The following HAUS3 variants were observed in gnomAD, a reference collection of about 807,000 sequenced individuals.
HAUS3 encodes HAUS augmin-like complex subunit 3.
Under a neutral mutation model 55.2 loss-of-function variants are expected in HAUS3, and 36 were observed. The ratio of observed to expected loss-of-function variants is 0.65; its 90% CI spans 0.50 to 0.86. HAUS3 has a LOEUF of 0.86. HAUS3 is among the 40% of genes least tolerant of loss of function. The pLI is 0.00. For missense variants in HAUS3, 752 were observed against 671.5 expected (o/e 1.12, Z -1.33); for synonymous variants, 234 against 238.6 (o/e 0.98, Z 0.18).
At chr4:2,239,952 A>T (rs1194076626) in intron 3 of HAUS3, 86 bp downstream of exon 3, 14 of 1,007,988 alleles carry the variant, frequency 1.4e-5, no homozygotes, top group Admixed American at 2.3e-5. Flanking sequence ...CAGATGCACC[A>T]TTCTAAAGTA....
In HAUS3 at chr4:2,238,749, A is replaced by C; in HGVS notation, c.1204T>G (p.Tyr402Asp). Residue 402 changes from tyrosine to aspartate, a missense_variant, in exon 4 of 6, where the codon TAT becomes GAT. Tyr to Asp is a radical substitution (Grantham distance 160, BLOSUM62 -3). Coordinates refer to ENST00000443786, the MANE Select transcript of HAUS3 (RefSeq NM_001303143.2). ...TGAACCAAATTTTCAAGTTGACGAT[A>C]TATGTCCCGATGCTTTCTTAATTCA... is the stretch of plus-strand genomic sequence containing the variant. ...EIELRKHRDI[Y>D]RQLENLVQEL... The C allele has an allele frequency of 6.2e-7, 1 of 1,613,798 alleles. No individual in the cohort carries two copies. The highest frequency in any genetic ancestry group is 8.5e-7 in the Non-Finnish European group (1 of 1,179,828).
intron 5 of HAUS3, among the ~76,000 whole-genome samples, chr4:2,235,175 C>T (rs530073758): frequency 5.3e-5 from 8 of 152,360 alleles, no homozygotes; most frequent in African/African-American, 1.9e-4. Flanking sequence ...TGAGCCACCG[C>T]ACCCAGCCTA....
rs1272979860 is a variant in HAUS3 at position 2,242,091 on chromosome 4, ACCGCCCTCCGTGCC to A, written c.-473_-460del. ...TTGCTTCTCGCAGGAGCCCGCCGCC[ACCGCCCTCCGTGCC>A]CCGCGCGCCTCGCACTGCCTCACGG... On this transcript the variant is annotated 5_prime_UTR_variant, in exon 1 of 6. Transcript: ENST00000443786. 1 of 985,814 alleles carries A rather than the reference ACCGCCCTCCGTGCC, an allele frequency of 1.0e-6. No individual in the cohort carries two copies. The highest frequency in any genetic ancestry group is 1.1e-4 in the East Asian group (1 of 8,806). The allele number at this position is 985,814 out of a possible 1,614,324, so 61.1% of individuals were successfully genotyped here.
At position 2,238,867 on chromosome 4, in the gene HAUS3, T is replaced by A. The variant is rs1373014176; in HGVS notation, c.1086A>T (p.Lys362Asn). The A allele has an allele frequency of 6.2e-7, 1 of 1,613,182 alleles. No homozygotes were observed. Among genetic ancestry groups the A allele is most frequent in the Non-Finnish European group, 8.5e-7 (1 of 1,179,646 alleles). ...VKGDFDLQIA[K>N]QDYYTARQEL... The stretch of plus-strand genomic sequence containing the variant: ...CTTGTCTTGCTGTATAATAATCTTG[T>A]TTAGCAATCTGCAGATCAAAATCTC... The change falls in exon 4 of 6, where the codon AAA becomes AAT. Residue 362 changes from lysine to asparagine, a missense_variant. Physicochemically the swap from Lys to Asn is moderately conservative, Grantham distance 94. Coordinates refer to ENST00000443786, the MANE Select transcript of HAUS3 (RefSeq NM_001303143.2).
chr4:2,230,468 T>C lies in HAUS3; in HGVS notation c.*1459A>G, dbSNP rs762701995. 2.6e-5 allele frequency: 4 copies of C among 151,804 alleles called. No homozygotes were observed. The highest frequency in any genetic ancestry group is 7.3e-5 in the African/African-American group (3 of 41,290). The allele number at this position is 151,804 out of a possible 1,614,324, so 9.4% of individuals were successfully genotyped here. ...CCGAAATAGAATAGAAAAAAACATA[T>C]ACAACAAAAAAAAAGTTGCTCAGGT... On this transcript the variant is annotated 3_prime_UTR_variant, in exon 6 of 6. Transcript: ENST00000443786.
intron 4 of HAUS3, among the ~76,000 whole-genome samples, chr4:2,236,998 T>C (rs931667520): frequency 6.6e-6 from 1 of 151,792 alleles, no homozygotes; most frequent in Non-Finnish European, 1.5e-5. Context: ...ACTACTACAT[T>C]AGATAAACAG....
Position 2,230,662 on chromosome 4 carries a change from G to T in HAUS3, c.*1265C>A, listed in dbSNP as rs867399461. ...ATCTAGGTATGCCTGTTTTCTGATG[G>T]TTATAGCTAAAAAATTCCATAAAGA... On this transcript the variant is annotated 3_prime_UTR_variant, in exon 6 of 6. Coordinates refer to ENST00000443786, the MANE Select transcript of HAUS3 (RefSeq NM_001303143.2). 2 of 151,758 alleles carry T rather than the reference G, an allele frequency of 1.3e-5. No homozygotes were observed. Among genetic ancestry groups the T allele is most frequent in the Non-Finnish European group, 2.9e-5 (2 of 67,940 alleles). The allele number at this position is 151,758 out of a possible 1,614,324, so 9.4% of individuals were successfully genotyped here. A position where few individuals can be genotyped will look rare whatever the true frequency, so the allele number is the denominator to read the frequency against.
intron 5 of HAUS3, among the ~76,000 whole-genome samples, chr4:2,234,789 G>C (rs990702216): frequency 2.0e-5 from 3 of 152,090 alleles, no homozygotes; most frequent in Non-Finnish European, 4.4e-5. Flanking sequence ...AATTTAAAAC[G>C]ACCAGGATAA....
intron 4 of HAUS3, among the ~76,000 whole-genome samples, chr4:2,238,292 A>G (rs1214102505): frequency 1.3e-5 from 2 of 152,176 alleles, no homozygotes; most frequent in African/African-American, 4.8e-5. Context: ...AGCTGTATTC[A>G]AACTTCCTGC....
intron 5 of HAUS3, among the ~76,000 whole-genome samples, chr4:2,233,522 T>C (rs1560103077): frequency 6.6e-6 from 1 of 152,200 alleles, no homozygotes; most frequent in Admixed American, 6.5e-5. Context: ...CAGGTACTCT[T>C]AAGAAATACT....
At chr4:2,241,441 G>A in intron 2 of HAUS3, 79 bp downstream of exon 2, 2 of 951,172 alleles carry the variant, frequency 2.1e-6, no homozygotes, top group Non-Finnish European at 2.5e-6. Context: ...AGGCTAGGCA[G>A]CCTCTCTTCC....
At chr4:2,233,833 T>G (rs1734664473) in intron 5 of HAUS3, among the ~76,000 whole-genome samples, 2 of 152,214 alleles carry the variant, frequency 1.3e-5, no homozygotes, top group Non-Finnish European at 2.9e-5. Context: ...TGGCGTGCCA[T>G]ATGGTCAATG....
chr4:2,239,186 T>G, intron 3 of HAUS3, 143 bp from the exon 4 acceptor site: 1 of 515,714 alleles, frequency 1.9e-6, no homozygotes, highest in Non-Finnish European at 3.3e-6. Context: ...AAACAAAAAT[T>G]ACAGTTTAAA....
intron 4 of HAUS3, among the ~76,000 whole-genome samples, chr4:2,237,680 A>T (rs753711147): frequency 4.6e-5 from 7 of 152,194 alleles, no homozygotes; most frequent in Non-Finnish European, 8.8e-5. Flanking sequence ...TAACCTACCT[A>T]TATTACAGGA....
rs190934118 is a variant in HAUS3, at chr4:2,230,466, T to A, written c.*1461A>T. 3 of 151,928 alleles carry A rather than the reference T, an allele frequency of 2.0e-5. No homozygotes were observed. The highest frequency in any genetic ancestry group is 1.9e-4 in the East Asian group (1 of 5,180). The allele number at this position is 151,928 out of a possible 1,614,324, so 9.4% of individuals were successfully genotyped here. A position where few individuals can be genotyped will look rare whatever the true frequency, so the allele number is the denominator to read the frequency against. ...TTCCGAAATAGAATAGAAAAAAACATATACAACAAAAAAAAAGTTGCTCAG... is the reference window on the plus strand; with the variant it reads ...TTCCGAAATAGAATAGAAAAAAACAAATACAACAAAAAAAAAGTTGCTCAG... On this transcript the variant is annotated 3_prime_UTR_variant, in exon 6 of 6. Coordinates refer to ENST00000443786, the MANE Select transcript of HAUS3 (RefSeq NM_001303143.2).
chr4:2,235,117 C>G (rs1734715176), intron 5 of HAUS3, among the ~76,000 whole-genome samples: 1 of 152,208 alleles, frequency 6.6e-6, no homozygotes, highest in Non-Finnish European at 1.5e-5. Flanking sequence ...AACTCCTGAC[C>G]TTGTGATCCA....
intron 5 of HAUS3, among the ~76,000 whole-genome samples, chr4:2,234,869 A>G (rs1336448458): frequency 6.6e-6 from 1 of 152,120 alleles, no homozygotes; most frequent in Non-Finnish European, 1.5e-5. Flanking sequence ...GAAAAAAATG[A>G]TATACAACTA....
chr4:2,230,448 A>G lies in HAUS3; in HGVS notation c.*1479T>C, dbSNP rs1734539750. 6.6e-6 allele frequency: 1 copy of G among 152,156 alleles called. No homozygotes were observed. The highest frequency in any genetic ancestry group is 2.4e-5 in the African/African-American group (1 of 41,418). The allele number at this position is 152,156 out of a possible 1,614,324, so 9.4% of individuals were successfully genotyped here. A position where few individuals can be genotyped will look rare whatever the true frequency, so the allele number is the denominator to read the frequency against. Reference sequence around the variant, plus strand: ...TTTTAAGTAAATTCTCTATTCCGAAATAGAATAGAAAAAAACATATACAAC... The same window carrying G: ...TTTTAAGTAAATTCTCTATTCCGAAGTAGAATAGAAAAAAACATATACAAC... On this transcript the variant is annotated 3_prime_UTR_variant, in exon 6 of 6. Transcript: ENST00000443786.
In HAUS3 at chr4:2,240,055, G is replaced by A. The variant is rs1734914685; in HGVS notation, c.892C>T (p.His298Tyr). 6.2e-7 allele frequency: 1 copy of A among 1,613,242 alleles called. No individual in the cohort carries two copies. The highest frequency in any genetic ancestry group is 1.3e-5 in the African/African-American group (1 of 74,906). The change falls in exon 3 of 6, where the codon CAC becomes TAC. Residue 298 changes from histidine to tyrosine, a missense_variant. Coordinates refer to ENST00000443786, the MANE Select transcript of HAUS3 (RefSeq NM_001303143.2). ...SSIKWAEESL[H>Y]SLTSKAVDKE... is the part of the protein sequence containing the mutation. The stretch of plus-strand genomic sequence containing the variant: ...ATGCTTACCTTGCTGGTTAGGCTGT[G>A]AAGACTCTCCTCTGCCCATTTTATA...
Sources: gnomAD v4.1 joint callset for allele counts (sites outside exome capture counted in the v4.1 genomes callset) on GRCh38, gnomAD v4.1.1 for gene constraint, MANE v1.5 for transcripts, NCBI Gene and HGNC (gene_info 2026-07-23, HGNC 2026-07-21) for gene names.